SYCP2: variants seen among roughly 807,000 people sequenced by gnomAD.
SYCP2 encodes synaptonemal complex protein 2.
A neutral mutation model predicts 211.3 loss-of-function variants in SYCP2; 55 were observed. The observed-to-expected ratio is 0.26, with a 90% CI of 0.21 to 0.33. The LOEUF is 0.33. Among genes scored for constraint, SYCP2 ranks in the 10% least tolerant of loss-of-function variants. The pLI, the probability that SYCP2 is intolerant of heterozygous loss-of-function variation, is 1.00. For missense variants in SYCP2, 1,731 were observed against 1,752.0 expected (o/e 0.99, Z 0.21); for synonymous variants, 570 against 555.2 (o/e 1.03, Z -0.37).
intron 33 of SYCP2, among the ~76,000 whole-genome samples, chr20:59,876,499 A>G (rs1159713545): frequency 6.7e-6 from 1 of 149,202 alleles, no homozygotes; most frequent in African/African-American, 2.5e-5. Context: ...GAAGAGATGG[A>G]AGTTTATGAT....
At chr20:59,920,981 T>C (rs920169818) in intron 4 of SYCP2, among the ~76,000 whole-genome samples, 15 of 151,684 alleles carry the variant, frequency 9.9e-5, no homozygotes, top group African/African-American at 3.1e-4. Context: ...ACATCAAGTA[T>C]ACACTGATAG....
At chr20:59,900,012 C>T in intron 18 of SYCP2, 126 bp downstream of exon 18, 1 of 1,031,500 alleles carries the variant, frequency 9.7e-7, no homozygotes. Flanking sequence ...GTAGGAGAAA[C>T]ACTCTGAAAT....
At chr20:59,915,301 C>T (rs2060416227) in intron 9 of SYCP2, 102 bp from the exon 10 acceptor site, 3 of 1,052,208 alleles carry the variant, frequency 2.9e-6, no homozygotes, top group Middle Eastern at 2.1e-4. Context: ...TTACAATTGG[C>T]TAATATCATC....
Position 59,914,295 on chromosome 20 carries a change from TAA to T in SYCP2, c.635-46_635-45del, listed in dbSNP as rs772713917. On this transcript the variant is annotated intron_variant, in intron 10 of 44. Transcript: ENST00000357552. ...ATGTTTGATTTACAATTATGAAAATTAAGTTTATAAAAGACCATATATTTTAC... is the reference window on the plus strand; with the variant it reads ...ATGTTTGATTTACAATTATGAAAATTGTTTATAAAAGACCATATATTTTAC... 1.0e-5 allele frequency: 13 copies of T among 1,244,380 alleles called. No individual in the cohort carries two copies. The African/African-American group carries it at 2.0e-4, about 19-fold the overall frequency. The allele number at this position is 1,244,380 out of a possible 1,614,324, so 77.1% of individuals were successfully genotyped here. A position where few individuals can be genotyped will look rare whatever the true frequency, so the allele number is the denominator to read the frequency against.
chr20:59,883,748 T>C (rs1234696438), intron 26 of SYCP2, among the ~76,000 whole-genome samples: 3 of 151,876 alleles, frequency 2.0e-5, no homozygotes, highest in East Asian at 1.9e-4. Context: ...GTTGCAGATA[T>C]GTAGGATGAA....
intron 2 of SYCP2, among the ~76,000 whole-genome samples, chr20:59,926,132 T>C (rs544111812): frequency 2.6e-5 from 4 of 152,166 alleles, no homozygotes; most frequent in African/African-American, 9.6e-5. Context: ...ACAGGTTTCA[T>C]AAATCCAATA....
chr20:59,914,342 G>A (rs1422906021), intron 10 of SYCP2, 91 bp from the exon 11 acceptor site: 2 of 645,626 alleles, frequency 3.1e-6, no homozygotes, highest in African/African-American at 1.8e-5. Context: ...GAATAAGCAA[G>A]AGAAATAAGA....
chr20:59,907,053 T>C (rs184074773), intron 15 of SYCP2, among the ~76,000 whole-genome samples: 28 of 152,264 alleles, frequency 1.8e-4, no homozygotes, highest in Admixed American at 2.0e-4. Flanking sequence ...AGTTATAGGA[T>C]TGGAGAAACC....
chr20:59,914,547 A>G (rs1242976431), intron 10 of SYCP2, among the ~76,000 whole-genome samples: 1 of 152,054 alleles, frequency 6.6e-6, no homozygotes, highest in African/African-American at 2.4e-5. Context: ...ATAAAATGCA[A>G]AGTAACCCAC....
Position 59,867,840 on chromosome 20 carries a change from T to A in SYCP2, c.3996A>T (p.Glu1332Asp). The A allele has an allele frequency of 6.2e-7, 1 of 1,600,440 alleles. No individual in the cohort carries two copies. The highest frequency in any genetic ancestry group is 8.5e-7 in the Non-Finnish European group (1 of 1,173,504). The change falls in exon 39 of 45, where the codon GAA becomes GAT. Residue 1332 changes from glutamate (E) to aspartate (D), a missense_variant. By Grantham distance (45) the Glu-to-Asp change is conservative (BLOSUM62 2). This residue lies in a region of SYCP2 where 1,387 missense variants were observed against 1,351.3 expected (regional missense o/e 1.03). Coordinates refer to ENST00000357552, the MANE Select transcript of SYCP2 (RefSeq NM_014258.4). Reference sequence around the variant, plus strand: ...CATTTGTTGATAATGAAGATACACTTTCAGACACTAAAAAATGAAAACAAT... The same window carrying A: ...CATTTGTTGATAATGAAGATACACTATCAGACACTAAAAAATGAAAACAAT... ...DADHHIHKMS[E>D]SVSSLSTNDF...
intron 36 of SYCP2, among the ~76,000 whole-genome samples, chr20:59,869,506 T>C (rs140666947): frequency 1.4e-4 from 22 of 151,814 alleles, no homozygotes; most frequent in Middle Eastern, 3.4e-3. Context: ...CAAATACCTA[T>C]ATATTCACGA....
At chr20:59,876,411 A>AAAAAAAAG (rs71183188) in intron 33 of SYCP2, among the ~76,000 whole-genome samples, 1 of 139,680 alleles carries the variant, frequency 7.2e-6, no homozygotes, top group East Asian at 2.1e-4. Flanking sequence ...AAAAAAAAAA[A>AAAAAAAAG]GAAGAAGTGA....
At chr20:59,867,168 ATAAAAAAC>A (rs146423808) in intron 39 of SYCP2, among the ~76,000 whole-genome samples, 15,592 of 104,466 alleles carry the variant, frequency 0.15, 2,123 homozygotes, top group African/African-American at 0.37. Context: ...AAAGGAGGGC[ATAAAAAAC>A]TAAAAAACTA....
intron 2 of SYCP2, among the ~76,000 whole-genome samples, chr20:59,923,230 C>T (rs1055528605): frequency 6.6e-6 from 1 of 151,828 alleles, no homozygotes; most frequent in African/African-American, 2.4e-5. Context: ...CAAAGATAAA[C>T]GTCATTGATT....
At chr20:59,873,556 C>A (rs2059494201) in intron 35 of SYCP2, among the ~76,000 whole-genome samples, 1 of 152,098 alleles carries the variant, frequency 6.6e-6, no homozygotes, top group Admixed American at 6.6e-5. Context: ...TATTATCAGA[C>A]CACAGTTGAC....
chr20:59,932,754 C>T (rs904648870), intron 1 of SYCP2, among the ~76,000 whole-genome samples: 1 of 152,168 alleles, frequency 6.6e-6, no homozygotes, highest in Admixed American at 6.5e-5. Context: ...CAGAAAAGGC[C>T]GCACGTGGAG....
intron 32 of SYCP2, 93 bp downstream of exon 32, chr20:59,877,915 A>T: frequency 1.0e-6 from 1 of 1,002,326 alleles, no homozygotes; most frequent in South Asian, 1.5e-5. Flanking sequence ...CATAACTGAT[A>T]ACAAGGATAA....
chr20:59,913,650 AAAT>A (rs1196850766), intron 12 of SYCP2, among the ~76,000 whole-genome samples: 3 of 152,224 alleles, frequency 2.0e-5, no homozygotes, highest in East Asian at 3.9e-4. Flanking sequence ...CTCAAACATT[AAAT>A]AATAATGGAT....
In SYCP2 at chr20:59,886,734, C is replaced by T. The variant is rs2059796201; in HGVS notation, c.2465G>A (p.Arg822Lys). Reference sequence around the variant, plus strand: ...GTTAATCAAAGACTCCTTTAATTTTCTTGTAGACTTGATGTCATCTTTTGT... The same window carrying T: ...GTTAATCAAAGACTCCTTTAATTTTTTTGTAGACTTGATGTCATCTTTTGT... ...YKTKDDIKST[R>K]KLKESLINSG... The change falls in exon 25 of 45, where the codon AGA (arginine) becomes AAA (lysine). Residue 822 changes from arginine to lysine, a missense_variant. Physicochemically the swap from Arg to Lys is conservative, Grantham distance 26. Transcript: ENST00000357552. 2 of 1,573,312 alleles carry T rather than the reference C, an allele frequency of 1.3e-6. No homozygotes were observed. The highest frequency in any genetic ancestry group is 1.4e-5 in the African/African-American group (1 of 72,490).
Sources: gnomAD v4.1 joint callset for allele counts (sites outside exome capture counted in the v4.1 genomes callset) on GRCh38, gnomAD v4.1.1 for gene constraint, gnomAD v4.1.1 regional missense constraint, MANE v1.5 for transcripts, NCBI Gene and HGNC (gene_info 2026-07-23, HGNC 2026-07-21) for gene names.